ZZZ3: variants seen among roughly 807,000 people sequenced by gnomAD.
ZZZ3 encodes zinc finger ZZ-type containing 3.
Under a neutral mutation model 95.2 loss-of-function variants are expected in ZZZ3, and 22 were observed. The ratio of observed to expected loss-of-function variants is 0.23; its 90% CI spans 0.17 to 0.33. The LOEUF (loss-of-function observed/expected upper bound fraction) is 0.33, where lower values mean the gene tolerates loss of function less well. Among genes scored for constraint, ZZZ3 ranks in the 10% least tolerant of loss-of-function variants. The pLI, the probability that ZZZ3 is intolerant of heterozygous loss-of-function variation, is 1.00. For missense variants in ZZZ3, 885 were observed against 1,066.5 expected (o/e 0.83, Z 2.37); for synonymous variants, 335 against 358.9 (o/e 0.93, Z 0.75).
intron 5 of ZZZ3, chr1:77,615,027 G>A (rs1012928668): frequency 6.6e-5 from 10 of 152,232 alleles, no homozygotes; most frequent in African/African-American, 2.2e-4. Flanking sequence ...AGTGGTGGCA[G>A]CAAGAGTGGA....
chr1:77,631,740 T>G (rs1667832579), intron 5 of ZZZ3, 110 bp downstream of exon 5: 1 of 919,672 alleles, frequency 1.1e-6, no homozygotes, highest in South Asian at 2.3e-5. Flanking sequence ...AACCTAAAAT[T>G]TTAGTGAAAA....
rs113074276 is a variant in ZZZ3, at chr1:77,566,288, C to T, written c.2467-107G>A. ...TGCACACAGACATCTTCTCTTCTCT[C>T]TCCATGCACAGGACAGTAATATAAC... is the stretch of plus-strand genomic sequence containing the variant. On this transcript the variant is annotated intron_variant, in intron 13 of 14. Transcript: ENST00000370801. The T allele has an allele frequency of 1.5e-5, 11 of 718,848 alleles. 1 individual carries two copies. Among genetic ancestry groups the T allele is most frequent in the African/African-American group, 9.0e-5 (5 of 55,564 alleles). 44.5% of individuals were successfully genotyped at this position (718,848 alleles called of 1,614,324 possible). A position where few individuals can be genotyped will look rare whatever the true frequency, so the allele number is the denominator to read the frequency against.
At chr1:77,664,087 A>G (rs533972672) in intron 1 of ZZZ3, among the ~76,000 whole-genome samples, 171 of 144,284 alleles carry the variant, frequency 1.2e-3, no homozygotes, top group East Asian at 5.6e-3. Context: ...AATGTCTTGG[A>G]AAAAAAAAAA....
At chr1:77,576,039 T>C in intron 12 of ZZZ3, 29 bp downstream of exon 12, 1 of 1,562,202 alleles carries the variant, frequency 6.4e-7, no homozygotes, top group East Asian at 2.3e-5. Context: ...TACCTTGATG[T>C]ATATAACAAC....
At chr1:77,663,192 ATCTTCG>A (rs1670967257) in intron 1 of ZZZ3, among the ~76,000 whole-genome samples, 1 of 152,218 alleles carries the variant, frequency 6.6e-6, no homozygotes, top group Non-Finnish European at 1.5e-5. Flanking sequence ...GCAATGTATG[ATCTTCG>A]ATTTTAAAAA....
chr1:77,680,142 T>C (rs1045190699), intron 1 of ZZZ3, among the ~76,000 whole-genome samples: 6 of 152,232 alleles, frequency 3.9e-5, no homozygotes, highest in Non-Finnish European at 8.8e-5. Context: ...TTTAACAGAA[T>C]AGCTTTATCT....
chr1:77,573,387 G>A (rs1257108558), intron 12 of ZZZ3, among the ~76,000 whole-genome samples: 1 of 152,062 alleles, frequency 6.6e-6, no homozygotes, highest in East Asian at 1.9e-4. Context: ...CTCCCAAAGT[G>A]CTGGGATTAC....
At chr1:77,668,647 CAA>C (rs34195679) in intron 1 of ZZZ3, among the ~76,000 whole-genome samples, 32 of 107,864 alleles carry the variant, frequency 3.0e-4, no homozygotes, top group Admixed American at 4.2e-4. Context: ...GACCCTGTCT[CAA>C]AAAAAAAAAA....
intron 1 of ZZZ3, 111 bp from the exon 2 acceptor site, chr1:77,641,766 T>G (rs1668796978): frequency 2.6e-6 from 1 of 388,262 alleles, no homozygotes; most frequent in Non-Finnish European, 4.5e-6. Context: ...CATTTTCTAC[T>G]AAACTTCACA....
At position 77,632,980 on chromosome 1, in the gene ZZZ3, A is replaced by G; in HGVS notation, c.375T>C (p.Ser125=). The G allele has an allele frequency of 6.2e-7, 1 of 1,614,124 alleles. No individual in the cohort carries two copies. Among genetic ancestry groups the G allele is most frequent in the Non-Finnish European group, 8.5e-7 (1 of 1,180,036 alleles). The part of the protein sequence containing the change: ...VLKRIKRCLR[S]EAPNSSEEDS... Reference sequence around the variant, plus strand: ...CTTCTTCTGAACTGTTTGGTGCTTCAGATCTAAGACAACGCTTAATTCTTT... The same window carrying G: ...CTTCTTCTGAACTGTTTGGTGCTTCGGATCTAAGACAACGCTTAATTCTTT... The change falls in exon 5 of 15, where the codon TCT becomes TCC. Residue 125 remains serine (S), a synonymous_variant. Transcript: ENST00000370801.
chr1:77,657,016 T>C (rs1557768429), intron 1 of ZZZ3, among the ~76,000 whole-genome samples: 1 of 152,244 alleles, frequency 6.6e-6, no homozygotes, highest in Non-Finnish European at 1.5e-5. Context: ...AGTCTCACTT[T>C]GTCGTCCAGG....
intron 5 of ZZZ3, chr1:77,615,078 C>A (rs913498568): frequency 5.9e-5 from 9 of 152,226 alleles, no homozygotes; most frequent in Non-Finnish European, 1.3e-4. Flanking sequence ...GGTACAACTG[C>A]TCACTCTTTT....
intron 1 of ZZZ3, among the ~76,000 whole-genome samples, chr1:77,670,280 G>A (rs1054086261): frequency 6.6e-6 from 1 of 150,870 alleles, no homozygotes; most frequent in African/African-American, 2.4e-5. Context: ...TTTGGGGGGG[G>A]GCAGAGTCTC....
chr1:77,629,013 C>T (rs1294415461), intron 5 of ZZZ3, among the ~76,000 whole-genome samples: 4 of 152,062 alleles, frequency 2.6e-5, no homozygotes, highest in Non-Finnish European at 5.9e-5. Flanking sequence ...AACCCAAGTG[C>T]TTTTTAACAT....
chr1:77,627,561 A>G (rs1309037350), intron 5 of ZZZ3, among the ~76,000 whole-genome samples: 1 of 152,216 alleles, frequency 6.6e-6, no homozygotes, highest in Non-Finnish European at 1.5e-5. Context: ...CTATGAAATA[A>G]GCATGGTGCA....
chr1:77,647,601 T>C (rs1227821564), intron 1 of ZZZ3, among the ~76,000 whole-genome samples: 1 of 152,106 alleles, frequency 6.6e-6, no homozygotes, highest in Non-Finnish European at 1.5e-5. Context: ...AATATAATTA[T>C]ATGAGGTAAT....
intron 14 of ZZZ3, 127 bp downstream of exon 14, chr1:77,565,946 ATTGCCTAG>A: frequency 9.1e-7 from 1 of 1,102,946 alleles, no homozygotes; most frequent in South Asian, 1.7e-5. Context: ...AAAAAAATTA[ATTGCCTAG>A]AACAACAAAA....
At chr1:77,599,145 G>C (rs1054122451) in intron 5 of ZZZ3, among the ~76,000 whole-genome samples, 31 of 152,002 alleles carry the variant, frequency 2.0e-4, no homozygotes, top group African/African-American at 7.5e-4. Context: ...TAAATAAATA[G>C]TAAAAGTAGT....
At chr1:77,597,735 G>T (rs1035421931) in intron 5 of ZZZ3, among the ~76,000 whole-genome samples, 2 of 151,946 alleles carry the variant, frequency 1.3e-5, no homozygotes, top group Non-Finnish European at 2.9e-5. Context: ...CAACAACAAG[G>T]CAAGTCTGAA....
Sources: gnomAD v4.1 joint callset for allele counts (sites outside exome capture counted in the v4.1 genomes callset) on GRCh38, gnomAD v4.1.1 for gene constraint, MANE v1.5 for transcripts, NCBI Gene and HGNC (gene_info 2026-07-23, HGNC 2026-07-21) for gene names.